The following SEMA6D variants were observed in gnomAD, a reference collection of about 807,000 sequenced individuals.
SEMA6D encodes semaphorin-6D.
A neutral mutation model predicts 106.6 loss-of-function variants in SEMA6D; 35 were observed. That is an observed-to-expected ratio of 0.33 (90% CI 0.25 to 0.44). The LOEUF is 0.44. SEMA6D is among the 20% of genes least tolerant of loss of function. The pLI is 1.00. For missense variants in SEMA6D, 1,185 were observed against 1,345.9 expected (o/e 0.88, Z 1.87); for synonymous variants, 499 against 487.7 (o/e 1.02, Z -0.31).
intron 1 of SEMA6D, among the ~76,000 whole-genome samples, chr15:47,249,493 C>G (rs1399801947): frequency 6.6e-6 from 1 of 151,352 alleles, no homozygotes; most frequent in Non-Finnish European, 1.5e-5. Flanking sequence ...TACTCTCTAC[C>G]CACCCCCCAT....
At chr15:47,283,756 C>G (rs935463263) in intron 1 of SEMA6D, among the ~76,000 whole-genome samples, 1 of 152,192 alleles carries the variant, frequency 6.6e-6, no homozygotes, top group South Asian at 2.1e-4. Flanking sequence ...TATGTGTGAG[C>G]CTGTCTCAAC....
At chr15:47,375,902 G>A (rs1194284767) in intron 1 of SEMA6D, among the ~76,000 whole-genome samples, 1 of 152,124 alleles carries the variant, frequency 6.6e-6, no homozygotes, top group Non-Finnish European at 1.5e-5. Context: ...ACATATATAT[G>A]GAAAAAAGGA....
Position 47,215,182 on chromosome 15 carries a change from G to A in SEMA6D, c.-239+30764G>A, listed in dbSNP as rs573759157. Among the ~76,000 whole-genome samples, 31 of 88,098 alleles carry A rather than the reference G, an allele frequency of 3.5e-4. 1 individual carries two copies. In the East Asian group the frequency reaches 4.5e-3, roughly 13 times the overall value. 57.8% of individuals were successfully genotyped at this position (88,098 alleles called of 152,430 possible). A position where few individuals can be genotyped will look rare whatever the true frequency, so the allele number is the denominator to read the frequency against. On this transcript the variant is annotated intron_variant, in intron 1 of 19. Transcript: ENST00000558014. ...ACATCTGCTGTTTATACTTTATATCGTGCAATCTACCTGAATCTAAACAGA... is the reference window on the plus strand; with the variant it reads ...ACATCTGCTGTTTATACTTTATATCATGCAATCTACCTGAATCTAAACAGA...
chr15:47,630,203 T>C (rs1214381921), intron 4 of SEMA6D, among the ~76,000 whole-genome samples: 1 of 151,932 alleles, frequency 6.6e-6, no homozygotes, highest in Non-Finnish European at 1.5e-5. Context: ...CTCTGTATCC[T>C]TGCCAGCATC....
At chr15:47,693,941 C>A (rs544348389) in intron 4 of SEMA6D, among the ~76,000 whole-genome samples, 2 of 152,016 alleles carry the variant, frequency 1.3e-5, no homozygotes, top group South Asian at 4.1e-4. Context: ...GATCCTTACT[C>A]TGGAAAAAAC....
At chr15:47,430,202 C>T (rs2140527784) in intron 2 of SEMA6D, among the ~76,000 whole-genome samples, 1 of 152,224 alleles carries the variant, frequency 6.6e-6, no homozygotes, top group South Asian at 2.1e-4. Context: ...CCCCAAAAAT[C>T]TCCTCCTTAG....
intron 3 of SEMA6D, among the ~76,000 whole-genome samples, chr15:47,537,328 G>C (rs1004678108): frequency 6.6e-6 from 1 of 152,160 alleles, no homozygotes; most frequent in African/African-American, 2.4e-5. Flanking sequence ...GGATTAAGAG[G>C]ATAAGGCAAG....
chr15:47,292,998 G>A (rs1419139211), intron 1 of SEMA6D, among the ~76,000 whole-genome samples: 2 of 152,128 alleles, frequency 1.3e-5, no homozygotes, highest in African/African-American at 4.8e-5. Context: ...GTTTTTATCA[G>A]GAAATTGATT....
intron 3 of SEMA6D, among the ~76,000 whole-genome samples, chr15:47,477,026 T>C (rs1226360763): frequency 6.6e-6 from 1 of 152,208 alleles, no homozygotes; most frequent in African/African-American, 2.4e-5. Context: ...TGACATTTCA[T>C]AATGTGGAAT....
At chr15:47,554,219 G>A (rs1181448318) in intron 3 of SEMA6D, among the ~76,000 whole-genome samples, 1 of 152,206 alleles carries the variant, frequency 6.6e-6, no homozygotes, top group Non-Finnish European at 1.5e-5. Context: ...AGACACTCTA[G>A]TGTAGAGTCC....
chr15:47,647,621 A>T (rs185536592), intron 4 of SEMA6D, among the ~76,000 whole-genome samples: 17 of 152,254 alleles, frequency 1.1e-4, no homozygotes, highest in Admixed American at 7.8e-4. Context: ...TTAATTGCAG[A>T]TGAAACTAAA....
chr15:47,772,357 C>CGTGTGTGTGTGTGTGTGTGTGTGTGTGT lies in SEMA6D; in HGVS notation c.*579_*606dup, dbSNP rs71432251. 1 of 141,546 alleles carries CGTGTGTGTGTGTGTGTGTGTGTGTGTGT rather than the reference C, an allele frequency of 7.1e-6. No homozygotes were observed. Among genetic ancestry groups the CGTGTGTGTGTGTGTGTGTGTGTGTGTGT allele is most frequent in the Admixed American group, 7.1e-5 (1 of 14,154 alleles). 8.8% of individuals were successfully genotyped at this position (141,546 alleles called of 1,614,324 possible). A position where few individuals can be genotyped will look rare whatever the true frequency, so the allele number is the denominator to read the frequency against. On this transcript the variant is annotated 3_prime_UTR_variant, in exon 19 of 19. Coordinates refer to ENST00000536845, the MANE Select transcript of SEMA6D (RefSeq NM_001358351.3). ...CACCAACAAACTTGTTGTGTGTGTG[C>CGTGTGTGTGTGTGTGTGTGTGTGTGTGT]GTGTGTGTGTGTGTGTGTGTGTGTG... is the stretch of plus-strand genomic sequence containing the variant.
chr15:47,606,820 G>A (rs368570831), intron 4 of SEMA6D, among the ~76,000 whole-genome samples: 4 of 152,156 alleles, frequency 2.6e-5, no homozygotes, highest in African/African-American at 9.7e-5. Flanking sequence ...ACAAAAGCTT[G>A]CTTGAAATTC....
chr15:47,534,715 T>C (rs1376789871), intron 3 of SEMA6D, among the ~76,000 whole-genome samples: 2 of 152,094 alleles, frequency 1.3e-5, no homozygotes, highest in East Asian at 3.9e-4. Context: ...AGAAGTTTCC[T>C]ACATGGAAGA....
At chr15:47,389,946 T>C (rs765464391) in intron 1 of SEMA6D, among the ~76,000 whole-genome samples, 1 of 152,242 alleles carries the variant, frequency 6.6e-6, no homozygotes, top group African/African-American at 2.4e-5. Context: ...TCAATAAACA[T>C]AATTCATTTT....
intron 1 of SEMA6D, among the ~76,000 whole-genome samples, chr15:47,725,922 G>A (rs1217035105): frequency 1.3e-5 from 2 of 152,174 alleles, no homozygotes; most frequent in Non-Finnish European, 2.9e-5. Flanking sequence ...TAAGTCTGAA[G>A]AATCACTGCC....
At chr15:47,674,029 C>T (rs1596594660) in intron 4 of SEMA6D, among the ~76,000 whole-genome samples, 1 of 152,218 alleles carries the variant, frequency 6.6e-6, no homozygotes, top group East Asian at 1.9e-4. Flanking sequence ...CATGTTGTCC[C>T]CGGACACTCT....
intron 17 of SEMA6D, among the ~76,000 whole-genome samples, chr15:47,768,056 A>G (rs957223374): frequency 5.9e-5 from 9 of 152,122 alleles, no homozygotes; most frequent in Admixed American, 5.2e-4. Flanking sequence ...CTACAAATGG[A>G]CAGGAGCCCC....
intron 1 of SEMA6D, among the ~76,000 whole-genome samples, chr15:47,315,067 C>T (rs58478596): frequency 0.076 from 11,440 of 151,248 alleles, 1,332 homozygotes; most frequent in East Asian, 0.6. Context: ...GGGGTTTCAC[C>T]GTGTTAGCCA....
Sources: allele counts gnomAD v4.1 joint callset (sites outside exome capture counted in the v4.1 genomes callset), GRCh38; gene constraint gnomAD v4.1.1; transcripts MANE v1.5; gene names NCBI Gene and HGNC (gene_info 2026-07-23, HGNC 2026-07-21).